Variants in AR observed in about 807,000 individuals in gnomAD.
The protein encoded by AR is dihydrotestosterone receptor.
AR carries 8 observed loss-of-function variants against 53.9 expected under a neutral mutation model. The ratio of observed to expected loss-of-function variants is 0.15; its 90% CI spans 0.09 to 0.27. AR has a LOEUF of 0.27. AR is among the 10% of genes least tolerant of loss of function. The probability of loss-of-function intolerance (pLI) is 1.00; values close to 1 mark genes in which losing one functional copy is unlikely to be tolerated. For synonymous variants in AR, 359 were observed against 316.4 expected (o/e 1.13, Z -1.43); for missense variants, 639 against 742.5 (o/e 0.86, Z 1.62).
At chrX:67,575,573 C>T (rs1184524315) in intron 1 of AR, among the ~76,000 whole-genome samples, 1 of 111,621 alleles carries the variant, frequency 9.0e-6, no homozygotes, top group East Asian at 2.8e-4. Context: ...TGTCCAGATG[C>T]TTAAAGGAAG....
At chrX:67,664,089 TTTGA>T (rs1476238607) in intron 2 of AR, among the ~76,000 whole-genome samples, 1 of 111,827 alleles carries the variant, frequency 8.9e-6, no homozygotes, top group Non-Finnish European at 1.9e-5. Flanking sequence ...CTCAGAGTAG[TTTGA>T]TTGTCTGAAG....
At chrX:67,661,264 G>C (rs1172917074) in intron 2 of AR, among the ~76,000 whole-genome samples, 4 of 110,826 alleles carry the variant, frequency 3.6e-5, no homozygotes, top group Admixed American at 9.6e-5. Context: ...AATAGGAGTG[G>C]TGAGAGAGGG....
intron 1 of AR, among the ~76,000 whole-genome samples, chrX:67,598,305 C>T (rs1350146106): frequency 8.4e-4 from 83 of 98,776 alleles, no homozygotes; most frequent in Admixed American, 2.3e-3. Flanking sequence ...TTTTTTGAGA[C>T]GGAGTCTTGC....
intron 1 of AR, among the ~76,000 whole-genome samples, chrX:67,621,574 G>A (rs1031378481): frequency 9.0e-6 from 1 of 110,545 alleles, no homozygotes; most frequent in Non-Finnish European, 1.9e-5. Flanking sequence ...TGCTCTCATT[G>A]TTCAGCTCCC....
At chrX:67,678,458 C>T (rs191404053) in intron 2 of AR, among the ~76,000 whole-genome samples, 1 of 111,970 alleles carries the variant, frequency 8.9e-6, no homozygotes, top group Non-Finnish European at 1.9e-5. Flanking sequence ...ATCTATGTTG[C>T]TGCAAATGAC....
chrX:67,669,584 G>A (rs544015009), intron 2 of AR, among the ~76,000 whole-genome samples: 11 of 111,497 alleles, frequency 9.9e-5, no homozygotes, highest in Non-Finnish European at 1.5e-4. Flanking sequence ...GATTAAAGCC[G>A]ATGTTTCATT....
chrX:67,640,045 C>T (rs1000420565), intron 1 of AR, among the ~76,000 whole-genome samples: 8 of 111,453 alleles, frequency 7.2e-5, no homozygotes, highest in South Asian at 3.7e-4. Flanking sequence ...TGTATTTTGT[C>T]GAAGGCCTTT....
chrX:67,637,189 T>C (rs953425199), intron 1 of AR, among the ~76,000 whole-genome samples: 16 of 109,964 alleles, frequency 1.5e-4, no homozygotes, highest in Non-Finnish European at 2.7e-4. Context: ...ATTTTATTAT[T>C]ATTATACTTT....
chrX:67,590,914 C>G (rs188873543), intron 1 of AR, among the ~76,000 whole-genome samples: 2 of 111,921 alleles, frequency 1.8e-5, no homozygotes, highest in African/African-American at 6.5e-5. Flanking sequence ...AAATTGGCTG[C>G]GTTCTGAATC....
At chrX:67,600,282 A>G (rs1923291494) in intron 1 of AR, among the ~76,000 whole-genome samples, 1 of 111,304 alleles carries the variant, frequency 9.0e-6, no homozygotes, top group African/African-American at 3.2e-5. Flanking sequence ...AAATTTTGGT[A>G]CTAAAAACAG....
At position 67,686,095 on chromosome X, in the gene AR, G is replaced by A. The variant is rs151266937; in HGVS notation, c.1854G>A (p.Arg618=). The A allele has an allele frequency of 2.5e-4, 307 of 1,208,931 alleles. No homozygotes were observed. In the African/African-American group the frequency reaches 4.9e-3, roughly 19 times the overall value. The change falls in exon 3 of 8, where the codon CGG becomes CGA. Residue 618 remains arginine (R), a synonymous_variant. Transcript: ENST00000374690. The part of the protein sequence containing the change: ...RRKNCPSCRL[R]KCYEAGMTLG... ...AAAATTGTCCATCTTGTCGTCTTCGGAAATGTTATGAAGCAGGGATGACTC... is the reference window on the plus strand; with the variant it reads ...AAAATTGTCCATCTTGTCGTCTTCGAAAATGTTATGAAGCAGGGATGACTC...
At chrX:67,581,867 A>G (rs975186498) in intron 1 of AR, among the ~76,000 whole-genome samples, 2 of 111,234 alleles carry the variant, frequency 1.8e-5, no homozygotes, top group Admixed American at 9.6e-5. Flanking sequence ...ATAGAATTTT[A>G]CAAGACTCTA....
At chrX:67,665,357 T>A (rs1352929461) in intron 2 of AR, among the ~76,000 whole-genome samples, 1 of 112,537 alleles carries the variant, frequency 8.9e-6, no homozygotes, top group Admixed American at 9.4e-5. Context: ...TAGAAAATAA[T>A]AGAAATGAAC....
chrX:67,642,856 C>T (rs185235620), intron 1 of AR, among the ~76,000 whole-genome samples: 2 of 111,784 alleles, frequency 1.8e-5, no homozygotes, highest in Non-Finnish European at 3.8e-5. Flanking sequence ...GATATTTGGT[C>T]TGGTTTTGTT....
chrX:67,667,383 T>C (rs1927321234), intron 2 of AR, among the ~76,000 whole-genome samples: 1 of 111,435 alleles, frequency 9.0e-6, no homozygotes, highest in Admixed American at 9.6e-5. Flanking sequence ...TGGACTTGTT[T>C]CTGGGTTCTC....
rs137901321 is a variant in AR at position 67,721,609 on chromosome X, G to C, written c.2319-224G>C. Among the ~76,000 whole-genome samples, 565 of 111,418 alleles carry C rather than the reference G, an allele frequency of 5.1e-3. 1 individual carries two copies. The highest frequency in any genetic ancestry group is 0.017 in the African/African-American group (531 of 30,585). On this transcript the variant is annotated intron_variant, in intron 5 of 7. Coordinates refer to ENST00000374690, the MANE Select transcript of AR (RefSeq NM_000044.6). Reference sequence around the variant, plus strand: ...AACCCATATCCTGGCCAGAGAAGATGAGTAGTTATCAGGGTGTCAGGATTT... The same window carrying C: ...AACCCATATCCTGGCCAGAGAAGATCAGTAGTTATCAGGGTGTCAGGATTT...
At chrX:67,635,333 A>G (rs1321376717) in intron 1 of AR, among the ~76,000 whole-genome samples, 1 of 111,091 alleles carries the variant, frequency 9.0e-6, no homozygotes, top group Non-Finnish European at 1.9e-5. Context: ...ATTTCACCCA[A>G]AGTTCAGTGG....
At chrX:67,604,667 C>G (rs1923544576) in intron 1 of AR, among the ~76,000 whole-genome samples, 1 of 111,458 alleles carries the variant, frequency 9.0e-6, no homozygotes, top group Admixed American at 9.5e-5. Flanking sequence ...GGCCCCTCCT[C>G]AAACTTACTG....
At chrX:67,721,774 C>T (rs2147535310) in intron 5 of AR, 59 bp from the exon 6 acceptor site, 1 of 1,202,470 alleles carries the variant, frequency 8.3e-7, no homozygotes, top group Non-Finnish European at 1.1e-6. Flanking sequence ...GAGACATTCC[C>T]TCTGGGCTTA....
Sources: gnomAD v4.1 joint callset for allele counts (sites outside exome capture counted in the v4.1 genomes callset) on GRCh38, gnomAD v4.1.1 for gene constraint, MANE v1.5 for transcripts, NCBI Gene and HGNC (gene_info 2026-07-23, HGNC 2026-07-21) for gene names.